The following CYB5R4 variants were observed in gnomAD, a reference collection of about 807,000 sequenced individuals.
CYB5R4 encodes cytochrome b5 reductase 4.
A neutral mutation model predicts 70.2 loss-of-function variants in CYB5R4; 55 were observed. The observed-to-expected ratio is 0.78, with a 90% CI of 0.63 to 0.98. The LOEUF is 0.98. Ranked by LOEUF, CYB5R4 falls within the 50% of genes least tolerant of loss-of-function variation. The pLI is 0.00. For synonymous variants in CYB5R4, 197 were observed against 199.5 expected, an observed-to-expected ratio of 0.99 and a Z score of 0.11; for missense variants, 562 against 612.6, an observed-to-expected ratio of 0.92 and a Z score of 0.87.
At chr6:83,864,419 A>C (rs1285652751) in intron 2 of CYB5R4, 91 bp downstream of exon 2, 3 of 1,194,778 alleles carry the variant, frequency 2.5e-6, no homozygotes, top group Non-Finnish European at 3.5e-6. Context: ...TATTTTAAAC[A>C]ATTGACAATT....
chr6:83,954,691 G>A (rs569279126), intron 14 of CYB5R4, among the ~76,000 whole-genome samples: 8 of 151,876 alleles, frequency 5.3e-5, no homozygotes, highest in Admixed American at 6.6e-5. Flanking sequence ...GAAATGTAGC[G>A]TTCTCTGAGA....
At chr6:83,871,572 G>C (rs2099457647) in intron 2 of CYB5R4, among the ~76,000 whole-genome samples, 1 of 151,950 alleles carries the variant, frequency 6.6e-6, no homozygotes, top group Admixed American at 6.6e-5. Context: ...CAGGTGTTCT[G>C]TTTGGTTGAC....
At chr6:83,901,679 A>G (rs944609600) in intron 3 of CYB5R4, among the ~76,000 whole-genome samples, 8 of 147,644 alleles carry the variant, frequency 5.4e-5, no homozygotes, top group Admixed American at 2.7e-4. Context: ...TTTTCTTTAC[A>G]TCCTCACCAG....
intron 10 of CYB5R4, among the ~76,000 whole-genome samples, chr6:83,927,060 C>T (rs1239928830): frequency 6.6e-6 from 1 of 152,152 alleles, no homozygotes; most frequent in Non-Finnish European, 1.5e-5. Flanking sequence ...GCTTTTGTCT[C>T]TGATTTCCGT....
At chr6:83,868,017 C>T (rs1392834570) in intron 2 of CYB5R4, among the ~76,000 whole-genome samples, 2 of 152,154 alleles carry the variant, frequency 1.3e-5, no homozygotes, top group African/African-American at 2.4e-5. Flanking sequence ...ACAAAATTAC[C>T]TTTTTCTTCA....
chr6:83,900,665 T>G (rs570896620), intron 3 of CYB5R4, among the ~76,000 whole-genome samples: 1 of 152,354 alleles, frequency 6.6e-6, no homozygotes, highest in African/African-American at 2.4e-5. Flanking sequence ...ATTGGGTGCA[T>G]ATATATTTAG....
intron 2 of CYB5R4, among the ~76,000 whole-genome samples, chr6:83,891,262 T>C (rs757784591): frequency 2.0e-5 from 3 of 152,356 alleles, no homozygotes; most frequent in Non-Finnish European, 2.9e-5. Flanking sequence ...ATAACTTTCA[T>C]ATGCACTGGG....
At chr6:83,939,041 C>T (rs1449547835) in intron 12 of CYB5R4, among the ~76,000 whole-genome samples, 4 of 151,752 alleles carry the variant, frequency 2.6e-5, no homozygotes, top group Non-Finnish European at 5.9e-5. Context: ...TCTCCATGTT[C>T]GTCAGGCTGG....
chr6:83,901,414 T>C (rs1182150585), intron 3 of CYB5R4, among the ~76,000 whole-genome samples: 1 of 152,196 alleles, frequency 6.6e-6, no homozygotes, highest in Non-Finnish European at 1.5e-5. Flanking sequence ...ATTTCAACTT[T>C]GGTGAATCTG....
At chr6:83,891,960 G>A (rs1288792953) in intron 2 of CYB5R4, among the ~76,000 whole-genome samples, 2 of 152,154 alleles carry the variant, frequency 1.3e-5, no homozygotes, top group African/African-American at 2.4e-5. Context: ...GGACTTGATT[G>A]TAGAGAAAGT....
intron 2 of CYB5R4, among the ~76,000 whole-genome samples, chr6:83,877,511 G>A (rs1044531987): frequency 3.4e-5 from 5 of 149,014 alleles, no homozygotes; most frequent in East Asian, 2.1e-4. Context: ...GGGAGCTAGC[G>A]TGTACAAAGA....
chr6:83,910,130 G>A (rs757305256), intron 4 of CYB5R4: 1 of 1,610,734 alleles, frequency 6.2e-7, no homozygotes, highest in Admixed American at 1.7e-5. Flanking sequence ...AGTGGGCTGA[G>A]ACATTACTTT....
intron 2 of CYB5R4, among the ~76,000 whole-genome samples, chr6:83,866,136 C>A (rs1384788215): frequency 1.3e-5 from 2 of 152,194 alleles, no homozygotes; most frequent in Non-Finnish European, 2.9e-5. Flanking sequence ...TGCCTGAGTT[C>A]TGTTTCTGCA....
At chr6:83,910,248 T>G (rs2099464465) in intron 4 of CYB5R4, 3 of 998,430 alleles carry the variant, frequency 3.0e-6, no homozygotes, top group African/African-American at 3.3e-5. Flanking sequence ...TCAAAGTTCT[T>G]TCTTCTAGAA....
In CYB5R4 at chr6:83,861,758, T is replaced by C. The variant is rs142085781; in HGVS notation, c.75+1901T>C. 6.2e-4 allele frequency among the ~76,000 whole-genome samples: 94 copies of C among 152,370 alleles called. 1 individual carries two copies. The East Asian group carries it at 0.014, about 22-fold the overall frequency. Reference sequence around the variant, plus strand: ...TACCTGTGACATTGAACTGGAATAGTTGGGTAAATAATTATCTTACTTGTT... The same window carrying C: ...TACCTGTGACATTGAACTGGAATAGCTGGGTAAATAATTATCTTACTTGTT... On this transcript the variant is annotated intron_variant, in intron 1 of 15. Coordinates refer to ENST00000369681, the MANE Select transcript of CYB5R4 (RefSeq NM_016230.4).
chr6:83,870,971 C>CTTTTTTT (rs759131653), intron 2 of CYB5R4, among the ~76,000 whole-genome samples: 18 of 88,592 alleles, frequency 2.0e-4, no homozygotes, highest in East Asian at 6.4e-4. Context: ...TCATTGTTTG[C>CTTTTTTT]TTTTTTTTTT....
At chr6:83,868,362 T>C (rs2099457058) in intron 2 of CYB5R4, among the ~76,000 whole-genome samples, 1 of 152,194 alleles carries the variant, frequency 6.6e-6, no homozygotes, top group Non-Finnish European at 1.5e-5. Context: ...TTTTTTTGAA[T>C]AAGTAGCAGC....
chr6:83,957,203 C>T (rs1446254248), intron 15 of CYB5R4, among the ~76,000 whole-genome samples: 6 of 152,054 alleles, frequency 3.9e-5, no homozygotes, highest in African/African-American at 1.2e-4. Context: ...TGAAGACTAA[C>T]ATAGTTTGAA....
intron 4 of CYB5R4, among the ~76,000 whole-genome samples, chr6:83,909,911 C>T (rs2099464409): frequency 6.6e-6 from 1 of 152,134 alleles, no homozygotes; most frequent in Admixed American, 6.5e-5. Flanking sequence ...GACAGACCCC[C>T]ACAACAAAGG....
Sources: allele counts gnomAD v4.1 joint callset (sites outside exome capture counted in the v4.1 genomes callset), GRCh38; gene constraint gnomAD v4.1.1; transcripts MANE v1.5; gene names NCBI Gene and HGNC (gene_info 2026-07-23, HGNC 2026-07-21).